ROCK2: variants seen among roughly 807,000 people sequenced by gnomAD.
ROCK2 encodes Rho associated coiled-coil containing protein kinase 2, also known as rho-associated protein kinase 2.
A neutral mutation model predicts 195.1 loss-of-function variants in ROCK2; 61 were observed. That is an observed-to-expected ratio of 0.31 (90% CI 0.25 to 0.39). The LOEUF is 0.39. ROCK2 is among the 10% of genes least tolerant of loss of function. ROCK2 has a pLI of 1.00. For synonymous variants in ROCK2, 504 were observed against 545.5 expected, an observed-to-expected ratio of 0.92 and a Z score of 1.06; for missense variants, 1,109 against 1,637.4, an observed-to-expected ratio of 0.68 and a Z score of 5.57.
chr2:11,343,798 G>A (rs1350342724), intron 1 of ROCK2, among the ~76,000 whole-genome samples, 198 bp downstream of exon 1: 1 of 152,168 alleles, frequency 6.6e-6, no homozygotes, highest in African/African-American at 2.4e-5. Flanking sequence ...AGGAGGTAGA[G>A]GGAGGAATCA....
In ROCK2 at chr2:11,332,453, T is replaced by C. The variant is rs6728525; in HGVS notation, c.141+11543A>G. On this transcript the variant is annotated intron_variant, in intron 1 of 32. Coordinates refer to ENST00000315872, the MANE Select transcript of ROCK2 (RefSeq NM_004850.5). ...AAAAACAAAAACAACTTAAATATAA[T>C]GATCCAAATTAGGCCACACTCATGA... 5.9e-3 allele frequency among the ~76,000 whole-genome samples: 900 copies of C among 152,296 alleles called. 11 individuals carry two copies. Among genetic ancestry groups the C allele is most frequent in the African/African-American group, 0.02 (846 of 41,552 alleles).
intron 3 of ROCK2, among the ~76,000 whole-genome samples, chr2:11,278,576 C>T (rs1261604267): frequency 1.3e-5 from 2 of 152,060 alleles, no homozygotes; most frequent in East Asian, 3.8e-4. Context: ...TAGATATATA[C>T]CTACTAGTGG....
intron 1 of ROCK2, among the ~76,000 whole-genome samples, chr2:11,290,843 C>A (rs1667340545): frequency 6.6e-6 from 1 of 152,094 alleles, no homozygotes; most frequent in South Asian, 2.1e-4. Flanking sequence ...AAAACAACAA[C>A]AACATCTTAT....
chr2:11,263,672 C>CA (rs35525681), intron 3 of ROCK2, among the ~76,000 whole-genome samples: 193 of 145,300 alleles, frequency 1.3e-3, no homozygotes, highest in African/African-American at 4.6e-3. Flanking sequence ...CACACACACA[C>CA]AAAAAAAAAC....
intron 32 of ROCK2, among the ~76,000 whole-genome samples, chr2:11,188,402 G>A (rs913449585): frequency 3.3e-4 from 50 of 151,886 alleles, no homozygotes; most frequent in Non-Finnish European, 4.9e-4. Flanking sequence ...GAGCCACCGC[G>A]CCCAGCCCAG....
rs151185858 is a variant in ROCK2 at position 11,303,056 on chromosome 2, G to T, written c.142-15320C>A. ...TGAGGGGTAGCCATGTACCAAGGCTGAGTGCTAAGCATTAAAATAAAAAAA... is the reference window on the plus strand; with the variant it reads ...TGAGGGGTAGCCATGTACCAAGGCTTAGTGCTAAGCATTAAAATAAAAAAA... On this transcript the variant is annotated intron_variant, in intron 1 of 32. Transcript: ENST00000315872. Among the ~76,000 whole-genome samples the T allele has an allele frequency of 9.6e-4, 146 of 152,256 alleles. 1 individual carries two copies. Among genetic ancestry groups the T allele is most frequent in the African/African-American group, 3.4e-3 (140 of 41,544 alleles).
rs753588993 is a variant in ROCK2, at chr2:11,235,880, C to T, written c.545G>A (p.Ser182Asn). Residue 182 changes from serine (S) to asparagine (N), a missense_variant, in exon 5 of 33, where the codon AGT (serine) becomes AAT (asparagine). By Grantham distance (46) the Ser-to-Asn change is conservative. Around this residue, in one of 6 missense-constraint regions of ROCK2, gnomAD observed 253 missense variants for 455.5 expected, o/e 0.56. Coordinates refer to ENST00000315872, the MANE Select transcript of ROCK2 (RefSeq NM_004850.5). This position sits in a 1 kb window ranked among gnomAD's most constrained non-coding sequence, Gnocchi z 4.2. ...MPGGDLVNLM[S>N]NYDVPEKWAK... The stretch of plus-strand genomic sequence containing the variant: ...CCATTTTTCAGGCACATCATAATTA[C>T]TCATAAGGTTTACAAGGTCTCCACC... The T allele has an allele frequency of 6.2e-7, 1 of 1,613,862 alleles. No individual in the cohort carries two copies. The highest frequency in any genetic ancestry group is 1.1e-5 in the South Asian group (1 of 91,072).
At chr2:11,239,961 C>G (rs1156627060) in intron 4 of ROCK2, among the ~76,000 whole-genome samples, 1 of 152,168 alleles carries the variant, frequency 6.6e-6, no homozygotes. Context: ...AGGATGCACA[C>G]AGGACAAAGT....
At chr2:11,288,662 C>T (rs1305938659) in intron 1 of ROCK2, among the ~76,000 whole-genome samples, 2 of 114,756 alleles carry the variant, frequency 1.7e-5, no homozygotes, top group African/African-American at 5.1e-5. Flanking sequence ...ACAATGGGAG[C>T]CTGGGAGGGT....
intron 3 of ROCK2, among the ~76,000 whole-genome samples, chr2:11,281,918 G>C (rs78352683): frequency 6.6e-6 from 1 of 151,946 alleles, no homozygotes; most frequent in Non-Finnish European, 1.5e-5. Context: ...TCAAGATACC[G>C]GTTCTTCAAA....
In ROCK2 at chr2:11,208,374, T is replaced by G. The variant is rs1458257852; in HGVS notation, c.2277A>C (p.Lys759Asn). ...KVENLLLEAEKRCSLLDCDLK... is the reference protein window; with the variant it reads ...KVENLLLEAENRCSLLDCDLK... ...GGTCACAGTCTAATAGAGAACATCT[T>G]TTCTCAGCTTCTAGCAATAGGTTCT... The change falls in exon 19 of 33, where the codon AAA (lysine) becomes AAC (asparagine). Residue 759 changes from lysine to asparagine, a missense_variant. Lys to Asn is a moderately conservative substitution (Grantham distance 94). Coordinates refer to ENST00000315872, the MANE Select transcript of ROCK2 (RefSeq NM_004850.5). The G allele has an allele frequency of 6.4e-7, 1 of 1,554,046 alleles. No homozygotes were observed. Among genetic ancestry groups the G allele is most frequent in the Middle Eastern group, 1.7e-4 (1 of 5,778 alleles).
intron 1 of ROCK2, among the ~76,000 whole-genome samples, chr2:11,341,023 T>C (rs1428544809): frequency 1.3e-5 from 2 of 151,882 alleles, no homozygotes; most frequent in Admixed American, 6.6e-5. Flanking sequence ...CAACAAAGCA[T>C]AGGTATTTAC....
At position 11,193,850 on chromosome 2, in the gene ROCK2, A is replaced by G; in HGVS notation, c.3616T>C (p.Phe1206Leu). 6.3e-7 allele frequency: 1 copy of G among 1,589,504 alleles called. No homozygotes were observed. The highest frequency in any genetic ancestry group is 8.6e-7 in the Non-Finnish European group (1 of 1,163,812). The part of the protein sequence containing the change: ...PYMVLDIDKL[F>L]HVRPVTQTDV... ...GTCTGTGTAACTGGTCGGACATGAA[A>G]TAACTTGCTATAAAAAATTTTGAAT... The change falls in exon 30 of 33, where the codon TTT becomes CTT. Residue 1206 changes from phenylalanine (F) to leucine (L), a missense_variant. Around this residue, in one of 6 missense-constraint regions of ROCK2, gnomAD observed 221 missense variants for 355.1 expected, o/e 0.62. Coordinates refer to ENST00000315872, the MANE Select transcript of ROCK2 (RefSeq NM_004850.5).
intron 1 of ROCK2, among the ~76,000 whole-genome samples, chr2:11,291,210 A>T (rs1667352793): frequency 6.6e-6 from 1 of 152,262 alleles, no homozygotes; most frequent in South Asian, 2.1e-4. Context: ...CAAGAAATGA[A>T]GTATTGAACT....
At chr2:11,286,479 G>T in intron 3 of ROCK2, 60 bp downstream of exon 3, 1 of 1,093,232 alleles carries the variant, frequency 9.1e-7, no homozygotes, top group Non-Finnish European at 1.4e-6. Context: ...AGCTGCTATT[G>T]ATAATGCTTC....
chr2:11,305,744 A>G (rs1667840122), intron 1 of ROCK2, among the ~76,000 whole-genome samples: 1 of 152,252 alleles, frequency 6.6e-6, no homozygotes, highest in African/African-American at 2.4e-5. Flanking sequence ...TACACAATGT[A>G]TCAATGTCAA....
At chr2:11,183,462 A>T in intron 32 of ROCK2, 22 bp from the exon 33 acceptor site, 4 of 1,556,208 alleles carry the variant, frequency 2.6e-6, no homozygotes, top group Non-Finnish European at 3.5e-6. Flanking sequence ...GGAAAAATAA[A>T]GTTAGTTGAT....
At position 11,215,427 on chromosome 2, in the gene ROCK2, A is replaced by G. The variant is rs1213468484; in HGVS notation, c.1598-15T>C. 6.2e-7 allele frequency: 1 copy of G among 1,602,794 alleles called. No individual in the cohort carries two copies. Among genetic ancestry groups the G allele is most frequent in the Non-Finnish European group, 8.5e-7 (1 of 1,174,898 alleles). On this transcript the variant is annotated splice_polypyrimidine_tract_variant and intron_variant, in intron 14 of 32. Transcript: ENST00000315872. ...TAAGCTGTTAACTATGATAAAAAGCATTTCAGTGGCAAGCTTAGCATAACA... is the reference window on the plus strand; with the variant it reads ...TAAGCTGTTAACTATGATAAAAAGCGTTTCAGTGGCAAGCTTAGCATAACA...
Position 11,344,546 on chromosome 2 carries a change from C to A in ROCK2, c.-410G>T. 7 of 966,634 alleles carry A rather than the reference C, an allele frequency of 7.2e-6. No homozygotes were observed. The highest frequency in any genetic ancestry group is 8.6e-6 in the Non-Finnish European group (7 of 813,908). The allele number at this position is 966,634 out of a possible 1,614,324, so 59.9% of individuals were successfully genotyped here. A position where few individuals can be genotyped will look rare whatever the true frequency, so the allele number is the denominator to read the frequency against. ...AAGCCCAGGCCTGGGCCACTACGGC[C>A]GCCGCCGGCCCGCTGCCATGGTCGC... On this transcript the variant is annotated 5_prime_UTR_variant, in exon 1 of 33. Transcript: ENST00000315872. This position sits in a 1 kb window ranked among gnomAD's most constrained non-coding sequence, Gnocchi z 5.4.
Sources: gnomAD v4.1 joint callset for allele counts (sites outside exome capture counted in the v4.1 genomes callset) on GRCh38, gnomAD v4.1.1 for gene constraint, gnomAD v4.1.1 regional missense constraint, Gnocchi (gnomAD v3.1) non-coding constraint, MANE v1.5 for transcripts, NCBI Gene and HGNC (gene_info 2026-07-23, HGNC 2026-07-21) for gene names.